The following ATP6V0D1 variants were observed in gnomAD, a reference collection of about 807,000 sequenced individuals.
ATP6V0D1 encodes the protein V-type proton ATPase subunit d 1.
A neutral mutation model predicts 39.0 loss-of-function variants in ATP6V0D1; 13 were observed. That is an observed-to-expected ratio of 0.33 (90% CI 0.22 to 0.53). The LOEUF (loss-of-function observed/expected upper bound fraction) is 0.53. Ranked by LOEUF, ATP6V0D1 falls within the 20% of genes least tolerant of loss-of-function variation. The probability of loss-of-function intolerance (pLI) is 0.94; values close to 1 mark genes in which losing one functional copy is unlikely to be tolerated. For synonymous variants in ATP6V0D1, 191 were observed against 191.2 expected (o/e 1.00, Z 0.01); for missense variants, 272 against 470.9 (o/e 0.58, Z 3.91).
At chr16:67,467,598 C>A (rs999782985) in intron 1 of ATP6V0D1, among the ~76,000 whole-genome samples, 1 of 152,114 alleles carries the variant, frequency 6.6e-6, no homozygotes, top group Non-Finnish European at 1.5e-5. Flanking sequence ...TTACAACCTA[C>A]GAGTAAGTGA....
At chr16:67,446,104 A>C in intron 2 of ATP6V0D1, 1 of 363,946 alleles carries the variant, frequency 2.7e-6, no homozygotes, top group Non-Finnish European at 5.5e-6. Flanking sequence ...CAGGCTGTCC[A>C]GAGAAGACCT....
rs1168609583 is a variant in ATP6V0D1 at position 67,477,325 on chromosome 16, T to C, written c.130+3632A>G. On this transcript the variant is annotated intron_variant, in intron 1 of 7. Coordinates refer to ENST00000290949, the MANE Select transcript of ATP6V0D1 (RefSeq NM_004691.5). ...CATCCCAATTGAAACAAATAAATCA[T>C]ATTTTAAAAATTTGAGACAATCAGG... 2.6e-5 allele frequency among the ~76,000 whole-genome samples: 4 copies of C among 152,292 alleles called. No individual in the cohort carries two copies. The East Asian group carries it at 5.8e-4, about 22-fold the overall frequency.
chr16:67,458,960 A>G (rs2041266659), intron 1 of ATP6V0D1: 1 of 784,458 alleles, frequency 1.3e-6, no homozygotes, highest in African/African-American at 1.9e-5. Context: ...ACCACTCTCC[A>G]TACCATCACC....
intron 1 of ATP6V0D1, among the ~76,000 whole-genome samples, chr16:67,464,051 T>A (rs1251708604): frequency 2.6e-5 from 4 of 151,686 alleles, no homozygotes; most frequent in African/African-American, 9.7e-5. Context: ...GGTTAAAGGG[T>A]TGGGGGCATG....
chr16:67,460,797 C>T (rs564738709), intron 1 of ATP6V0D1, among the ~76,000 whole-genome samples: 2 of 152,306 alleles, frequency 1.3e-5, no homozygotes, highest in South Asian at 4.1e-4. Flanking sequence ...TCCCACAGCC[C>T]CAGCCCCCTC....
chr16:67,465,578 C>G (rs926848818), intron 1 of ATP6V0D1, among the ~76,000 whole-genome samples: 6 of 152,226 alleles, frequency 3.9e-5, no homozygotes, highest in Non-Finnish European at 8.8e-5. Flanking sequence ...TCATAGCACA[C>G]TGTGCTGTAC....
chr16:67,438,359 C>T lies in ATP6V0D1; in HGVS notation c.*169G>A, dbSNP rs1342303418. The T allele has an allele frequency of 1.3e-6, 1 of 797,846 alleles. No homozygotes were observed. 49.4% of individuals were successfully genotyped at this position (797,846 alleles called of 1,614,324 possible). ...GCCCCTTTTCAGGCCTAAGAACAGT[C>T]TCTAAGAGGGTCAGGAGAACTGGGC... On this transcript the variant is annotated 3_prime_UTR_variant, in exon 8 of 8. Coordinates refer to ENST00000290949, the MANE Select transcript of ATP6V0D1 (RefSeq NM_004691.5).
At chr16:67,473,210 A>C (rs2041388488) in intron 1 of ATP6V0D1, among the ~76,000 whole-genome samples, 1 of 152,138 alleles carries the variant, frequency 6.6e-6, no homozygotes, top group Non-Finnish European at 1.5e-5. Context: ...TGGCCTGGCT[A>C]ATTTGGGGCT....
At position 67,439,313 on chromosome 16, in the gene ATP6V0D1, C is replaced by A. The variant is rs143767422; in HGVS notation, c.600G>T (p.Leu200=). 5.8e-5 allele frequency: 94 copies of A among 1,614,108 alleles called. No homozygotes were observed. In the African/African-American group the frequency reaches 1.1e-3, roughly 19 times the overall value. ...LESFYKFCTL[L]GGTTADAMCP... is the part of the protein sequence containing the mutation. ...ACATGGCATCAGCCGTAGTCCCGCC[C>A]AGTAGGGTGCAGAACTTGTAGAAGG... The change falls in exon 5 of 8, where the codon CTG becomes CTT. Residue 200 remains leucine (L), a synonymous_variant. Transcript: ENST00000290949.
rs369044979 is a variant in ATP6V0D1, at chr16:67,463,576, A to G, written c.131-9861T>C. On this transcript the variant is annotated intron_variant, in intron 1 of 7. Transcript: ENST00000290949. Reference sequence around the variant, plus strand: ...GAGGGAGGGAGGGAGGAAGAAGGGGAAAAAAAAAAAGAAAGAAAAAGAAAA... The same window carrying G: ...GAGGGAGGGAGGGAGGAAGAAGGGGGAAAAAAAAAAGAAAGAAAAAGAAAA... 5.6e-3 allele frequency among the ~76,000 whole-genome samples: 820 copies of G among 146,236 alleles called. 22 individuals carry two copies. In the South Asian group the frequency reaches 0.08, roughly 14 times the overall value.
chr16:67,477,681 T>C (rs555916818), intron 1 of ATP6V0D1, among the ~76,000 whole-genome samples: 1 of 152,320 alleles, frequency 6.6e-6, no homozygotes, highest in East Asian at 1.9e-4. Context: ...AACAGTTTTT[T>C]TTTTTTCTTT....
At chr16:67,448,794 C>T (rs1182692157) in intron 2 of ATP6V0D1, among the ~76,000 whole-genome samples, 3 of 152,136 alleles carry the variant, frequency 2.0e-5, no homozygotes, top group Non-Finnish European at 2.9e-5. Flanking sequence ...CCTTCTGGGC[C>T]TCACGGAGCT....
intron 2 of ATP6V0D1, among the ~76,000 whole-genome samples, chr16:67,450,555 C>T (rs2142309669): frequency 6.6e-6 from 1 of 152,078 alleles, no homozygotes; most frequent in South Asian, 2.1e-4. Context: ...GGGGGGTGGA[C>T]ACCGCAGAGT....
In ATP6V0D1 at chr16:67,439,280, G is replaced by A. The variant is rs764833253; in HGVS notation, c.633C>T (p.Ile211=). 2 of 1,614,008 alleles carry A rather than the reference G, an allele frequency of 1.2e-6. No individual in the cohort carries two copies. Among genetic ancestry groups the A allele is most frequent in the Non-Finnish European group, 1.7e-6 (2 of 1,180,030 alleles). The change falls in exon 5 of 8, where the codon ATC becomes ATT. Residue 211 remains isoleucine, a synonymous_variant. Transcript: ENST00000290949. ...GGTTADAMCP[I]LEFEADRRAF... ...AGGGCGGGCAGGCACTCACCTCCAG[G>A]ATGGGGCACATGGCATCAGCCGTAG...
chr16:67,473,273 A>G (rs1251757291), intron 1 of ATP6V0D1, among the ~76,000 whole-genome samples: 1 of 152,072 alleles, frequency 6.6e-6, no homozygotes, highest in African/African-American at 2.4e-5. Context: ...TTTGCCATAC[A>G]ATTTGCCAAC....
At chr16:67,446,268 G>A (rs2041113988) in intron 2 of ATP6V0D1, among the ~76,000 whole-genome samples, 1 of 152,134 alleles carries the variant, frequency 6.6e-6, no homozygotes, top group Admixed American at 6.5e-5. Context: ...CTCCTGTCCT[G>A]GCCTGACCCC....
rs556149652 is a variant in ATP6V0D1, at chr16:67,452,329, G to A, written c.302+1215C>T. On this transcript the variant is annotated intron_variant, in intron 2 of 7. Coordinates refer to ENST00000290949, the MANE Select transcript of ATP6V0D1 (RefSeq NM_004691.5). ...CTTCCTAGCTTGGGCATGTTCCCTG[G>A]CCCTTCAGGTGTCCCAGCCTCTGAC... The A allele has an allele frequency of 3.9e-6, 6 of 1,535,654 alleles. No individual in the cohort carries two copies. In the South Asian group the frequency reaches 7.1e-5, roughly 18 times the overall value.
In ATP6V0D1 at chr16:67,438,524, G is replaced by A. The variant is rs760052943; in HGVS notation, c.*4C>T. ...AGTGCAATTGAGAGCCTTGGGCCAG[G>A]ACGCTAGAAGATAGGGATGTAGTTG... is the stretch of plus-strand genomic sequence containing the variant. On this transcript the variant is annotated 3_prime_UTR_variant, in exon 8 of 8. Transcript: ENST00000290949. 2 of 1,614,106 alleles carry A rather than the reference G, an allele frequency of 1.2e-6. No individual in the cohort carries two copies. The highest frequency in any genetic ancestry group is 3.3e-5 in the Admixed American group (2 of 60,018).
At chr16:67,445,736 T>G (rs985711535) in intron 2 of ATP6V0D1, 5 of 359,868 alleles carry the variant, frequency 1.4e-5, no homozygotes, top group Middle Eastern at 6.0e-4. Context: ...ACTGCCCAGT[T>G]CAGACTTGGC....
Sources: gnomAD v4.1 joint callset for allele counts (sites outside exome capture counted in the v4.1 genomes callset) on GRCh38, gnomAD v4.1.1 for gene constraint, MANE v1.5 for transcripts, NCBI Gene and HGNC (gene_info 2026-07-23, HGNC 2026-07-21) for gene names.